Variants in PIM1 observed in about 807,000 individuals in gnomAD.
PIM1 encodes serine/threonine-protein kinase pim-1.
In PIM1, 9 loss-of-function variants were observed where a neutral mutation model predicts 34.5. The ratio of observed to expected loss-of-function variants is 0.26; its 90% CI spans 0.16 to 0.46. The LOEUF (loss-of-function observed/expected upper bound fraction) is 0.46. Among genes scored for constraint, PIM1 ranks in the 20% least tolerant of loss-of-function variants. The probability of loss-of-function intolerance (pLI) is 1.00; values close to 1 mark genes in which losing one functional copy is unlikely to be tolerated. For synonymous variants in PIM1, 199 were observed against 175.2 expected (o/e 1.14, Z -1.07); for missense variants, 274 against 410.9 (o/e 0.67, Z 2.88).
Position 37,171,438 on chromosome 6 carries a change from T to G in PIM1, c.554T>G (p.Ile185Ser). Residue 185 changes from isoleucine (I) to serine (S), a missense_variant, in exon 4 of 6, where the codon ATC becomes AGC. By Grantham distance (142) the Ile-to-Ser change is moderately radical. Coordinates refer to ENST00000373509, the MANE Select transcript of PIM1 (RefSeq NM_002648.4). Reference protein sequence around the residue: ...IDLNRGELKLIDFGSGALLKD... With the variant: ...IDLNRGELKLSDFGSGALLKD... Reference sequence around the variant, plus strand: ...CTCAATCGCGGCGAGCTCAAGCTCATCGACTTCGGGTCGGGGGCGCTGCTC... The same window carrying G: ...CTCAATCGCGGCGAGCTCAAGCTCAGCGACTTCGGGTCGGGGGCGCTGCTC... 6.2e-7 allele frequency: 1 copy of G among 1,613,798 alleles called. No individual in the cohort carries two copies. The highest frequency in any genetic ancestry group is 8.5e-7 in the Non-Finnish European group (1 of 1,180,016).
In PIM1 at chr6:37,173,170, C is replaced by T. The variant is rs1426492223; in HGVS notation, c.782C>T (p.Ser261Leu). 1 of 1,614,116 alleles carries T rather than the reference C, an allele frequency of 6.2e-7. No individual in the cohort carries two copies. Among genetic ancestry groups the T allele is most frequent in the South Asian group, 1.1e-5 (1 of 91,076 alleles). Residue 261 changes from serine to leucine, a missense_variant and splice_region_variant, in exon 5 of 6, where the codon TCA becomes TTA. Transcript: ENST00000373509. The stretch of plus-strand genomic sequence containing the variant: ...GTTTTCTTCAGGCAGAGGGTCTCTT[C>T]AGGTAACTGATGGAAACCCCTGGCC... Reference protein sequence around the residue: ...GQVFFRQRVSSECQHLIRWCL... With the variant: ...GQVFFRQRVSLECQHLIRWCL...
chr6:37,174,377 G>T lies in PIM1; in HGVS notation c.*286G>T, dbSNP rs375169565. 1 of 126,642 alleles carries T rather than the reference G, an allele frequency of 7.9e-6. No individual in the cohort carries two copies. The allele number at this position is 126,642 out of a possible 1,614,324, so 7.8% of individuals were successfully genotyped here. A position where few individuals can be genotyped will look rare whatever the true frequency, so the allele number is the denominator to read the frequency against. On this transcript the variant is annotated 3_prime_UTR_variant, in exon 6 of 6. Coordinates refer to ENST00000373509, the MANE Select transcript of PIM1 (RefSeq NM_002648.4). ...GGACTCTGAAATATCCCGGGGGTGGGGGGTGGGGGTGGGTCAGAACCCTGC... is the reference window on the plus strand; with the variant it reads ...GGACTCTGAAATATCCCGGGGGTGGTGGGTGGGGGTGGGTCAGAACCCTGC...
intron 4 of PIM1, chr6:37,172,376 C>A (rs1333747149): frequency 2.9e-6 from 1 of 344,382 alleles, no homozygotes; most frequent in East Asian, 7.5e-5. Context: ...GCGGCATGGC[C>A]CCTCCTTTTT....
chr6:37,172,894 A>AT (rs71773641), intron 4 of PIM1, 102 bp from the exon 5 acceptor site: 34,790 of 847,316 alleles, frequency 0.041, 159 homozygotes, highest in African/African-American at 0.067. Flanking sequence ...GAGAGAAGGG[A>AT]TTTTTTTTTT....
intron 4 of PIM1, 121 bp downstream of exon 4, chr6:37,171,612 G>A (rs572654348): frequency 7.9e-7 from 1 of 1,258,664 alleles, no homozygotes. Flanking sequence ...CTGGCTCGAT[G>A]CTAGCCGGGG....
intron 4 of PIM1, among the ~76,000 whole-genome samples, chr6:37,172,012 G>GAGAGTC (rs1469896528): frequency 2.6e-5 from 4 of 151,832 alleles, no homozygotes; most frequent in Non-Finnish European, 5.9e-5. Context: ...TAAGGGGAGA[G>GAGAGTC]AGAGTCAGGA....
At position 37,175,339 on chromosome 6, in the gene PIM1, A is replaced by G; in HGVS notation, c.*1248A>G. 1 of 233,240 alleles carries G rather than the reference A, an allele frequency of 4.3e-6. No homozygotes were observed. The highest frequency in any genetic ancestry group is 8.5e-6 in the Non-Finnish European group (1 of 117,864). 14.4% of individuals were successfully genotyped at this position (233,240 alleles called of 1,614,324 possible). On this transcript the variant is annotated 3_prime_UTR_variant, in exon 6 of 6. Transcript: ENST00000373509. ...GAGCAGCAGGTAGCCTGCTGGTTTT[A>G]TCTGAGTGAAATACTGTACAGGGGA...
Position 37,174,719 on chromosome 6 carries a change from T to G in PIM1, c.*628T>G, listed in dbSNP as rs1451739118. 1 of 233,550 alleles carries G rather than the reference T, an allele frequency of 4.3e-6. No individual in the cohort carries two copies. The highest frequency in any genetic ancestry group is 5.6e-5 in the Admixed American group (1 of 17,766). 14.5% of individuals were successfully genotyped at this position (233,550 alleles called of 1,614,324 possible). On this transcript the variant is annotated 3_prime_UTR_variant, in exon 6 of 6. Transcript: ENST00000373509. ...GGGCCAAACGCTGAGCCACCTGCCC[T>G]TTTTTCTGCCTCCTTTAGTAAAACT... is the stretch of plus-strand genomic sequence containing the variant.
Position 37,175,214 on chromosome 6 carries a change from T to G in PIM1, c.*1123T>G. 4.3e-6 allele frequency: 1 copy of G among 233,556 alleles called. No homozygotes were observed. Among genetic ancestry groups the G allele is most frequent in the Admixed American group, 5.6e-5 (1 of 17,754 alleles). The allele number at this position is 233,556 out of a possible 1,614,324, so 14.5% of individuals were successfully genotyped here. On this transcript the variant is annotated 3_prime_UTR_variant, in exon 6 of 6. Coordinates refer to ENST00000373509, the MANE Select transcript of PIM1 (RefSeq NM_002648.4). Reference sequence around the variant, plus strand: ...CTTACCCAGGTGGGTCCCGGCTCTGTGGGTGATGGGGAGGGGCATTGCTGA... The same window carrying G: ...CTTACCCAGGTGGGTCCCGGCTCTGGGGGTGATGGGGAGGGGCATTGCTGA...
intron 4 of PIM1, chr6:37,172,531 C>T (rs1762309532): frequency 2.2e-6 from 1 of 450,028 alleles, no homozygotes; most frequent in Non-Finnish European, 4.5e-6. Flanking sequence ...TCCCAAAGGG[C>T]ACCCTGACTT....
rs756412850 is a variant in PIM1 at position 37,170,596 on chromosome 6, C to T, written c.21C>T (p.Asn7=). 2.5e-6 allele frequency: 4 copies of T among 1,612,960 alleles called. No homozygotes were observed. Among genetic ancestry groups the T allele is most frequent in the Admixed American group, 3.3e-5 (2 of 59,976 alleles). Reference sequence around the variant, plus strand: ...TTGGGATGCTCTTGTCCAAAATCAACTCGCTTGCCCACCTGCGCGCCGCGC... The same window carrying T: ...TTGGGATGCTCTTGTCCAAAATCAATTCGCTTGCCCACCTGCGCGCCGCGC... The part of the protein sequence containing the change: MLLSKI[N]SLAHLRAAPC... The change falls in exon 1 of 6, where the codon AAC becomes AAT. Residue 7 remains asparagine (N), a synonymous_variant. Transcript: ENST00000373509.
At position 37,170,846 on chromosome 6, in the gene PIM1, C is replaced by T; in HGVS notation, c.156C>T (p.Val52=). Residue 52 remains valine (V), a synonymous_variant, in exon 2 of 6, where the codon GTC becomes GTT. Coordinates refer to ENST00000373509, the MANE Select transcript of PIM1 (RefSeq NM_002648.4). Reference sequence around the variant, plus strand: ...TGGGCAGCGGCGGCTTCGGCTCGGTCTACTCAGGCATCCGCGTCTCCGACA... The same window carrying T: ...TGGGCAGCGGCGGCTTCGGCTCGGTTTACTCAGGCATCCGCGTCTCCGACA... ...PLLGSGGFGS[V]YSGIRVSDNL... 3.1e-6 allele frequency: 5 copies of T among 1,612,918 alleles called. No individual in the cohort carries two copies. The highest frequency in any genetic ancestry group is 1.1e-5 in the South Asian group (1 of 91,084).
At chr6:37,171,552 G>T (rs987648312) in intron 4 of PIM1, 61 bp downstream of exon 4, 1 of 1,558,032 alleles carries the variant, frequency 6.4e-7, no homozygotes, top group Non-Finnish European at 8.7e-7. Context: ...CCAGTCCGGA[G>T]GCCTCGGCCA....
At position 37,173,139 on chromosome 6, in the gene PIM1, G is replaced by A. The variant is rs1480836301; in HGVS notation, c.751G>A (p.Gly251Ser). ...CGAGCATGACGAAGAGATCATCAGG[G>A]GCCAGGTTTTCTTCAGGCAGAGGGT... ...PFEHDEEIIRGQVFFRQRVSS... is the reference protein window; with the variant it reads ...PFEHDEEIIRSQVFFRQRVSS... The change falls in exon 5 of 6, where the codon GGC becomes AGC. Residue 251 changes from glycine to serine, a missense_variant. Gly to Ser is a moderately conservative substitution (Grantham distance 56). This residue lies in a region of PIM1 where 168 missense variants were observed against 299.4 expected (regional missense o/e 0.56). Transcript: ENST00000373509. 6.2e-7 allele frequency: 1 copy of A among 1,614,060 alleles called. No homozygotes were observed. The highest frequency in any genetic ancestry group is 8.5e-7 in the Non-Finnish European group (1 of 1,180,044).
Position 37,170,399 on chromosome 6 carries a change from C to G in PIM1, c.-177C>G. Reference sequence around the variant, plus strand: ...CCGCCGCCAGTCCCGGCAGCGCCCTCAGTTGTCCTCCGACTCGCCCTCGGC... The same window carrying G: ...CCGCCGCCAGTCCCGGCAGCGCCCTGAGTTGTCCTCCGACTCGCCCTCGGC... On this transcript the variant is annotated 5_prime_UTR_variant, in exon 1 of 6. Coordinates refer to ENST00000373509, the MANE Select transcript of PIM1 (RefSeq NM_002648.4). The G allele has an allele frequency of 2.0e-6, 3 of 1,531,602 alleles. No homozygotes were observed. The highest frequency in any genetic ancestry group is 2.6e-6 in the Non-Finnish European group (3 of 1,144,810). The allele number at this position is 1,531,602 out of a possible 1,614,324, so 94.9% of individuals were successfully genotyped here. A position where few individuals can be genotyped will look rare whatever the true frequency, so the allele number is the denominator to read the frequency against.
Position 37,170,976 on chromosome 6 carries a change from TC to T in PIM1, c.190-3del. 1 of 1,613,952 alleles carries T rather than the reference TC, an allele frequency of 6.2e-7. No individual in the cohort carries two copies. The highest frequency in any genetic ancestry group is 8.5e-7 in the Non-Finnish European group (1 of 1,179,972). The stretch of plus-strand genomic sequence containing the variant: ...GGGAACCTGACGGAGACCCTGGGCT[TC>T]CAGGTGGCCATCAAACACGTGGAGA... On this transcript the variant is annotated splice_region_variant and splice_polypyrimidine_tract_variant and intron_variant, in intron 2 of 5. Transcript: ENST00000373509.
At chr6:37,172,403 T>C in intron 4 of PIM1, 1 of 349,252 alleles carries the variant, frequency 2.9e-6, no homozygotes, top group Non-Finnish European at 5.7e-6. Context: ...CTACCCAAAG[T>C]TTGTAAACAG....
At chr6:37,170,935 G>T (rs368941207) in intron 2 of PIM1, 46 bp from the exon 3 acceptor site, 1 of 1,613,566 alleles carries the variant, frequency 6.2e-7, no homozygotes, top group African/African-American at 1.3e-5. Context: ...GCACGGGCGT[G>T]CTTTAGCCCG....
Position 37,171,290 on chromosome 6 carries a change from A to C in PIM1, c.406A>C (p.Arg136=). 1 of 1,614,144 alleles carries C rather than the reference A, an allele frequency of 6.2e-7. No homozygotes were observed. Among genetic ancestry groups the C allele is most frequent in the Non-Finnish European group, 8.5e-7 (1 of 1,180,036 alleles). Residue 136 remains arginine, a synonymous_variant, in exon 4 of 6, where the codon AGG becomes CGG. Transcript: ENST00000373509. The part of the protein sequence containing the change: ...VQDLFDFITE[R]GALQEELARS... ...AGATCTCTTCGACTTCATCACGGAA[A>C]GGGGAGCCCTGCAAGAGGAGCTGGC...
Sources: gnomAD v4.1 joint callset for allele counts (sites outside exome capture counted in the v4.1 genomes callset) on GRCh38, gnomAD v4.1.1 for gene constraint, gnomAD v4.1.1 regional missense constraint, MANE v1.5 for transcripts, NCBI Gene and HGNC (gene_info 2026-07-23, HGNC 2026-07-21) for gene names.